Variants in CTDSPL2 observed in about 807,000 individuals in gnomAD.
CTDSPL2 encodes CTD small phosphatase like 2, also known as CTD small phosphatase-like protein 2.
In CTDSPL2, 5 loss-of-function variants were observed where a neutral mutation model predicts 60.0. The ratio of observed to expected loss-of-function variants is 0.08; its 90% CI spans 0.04 to 0.18. The LOEUF is 0.18. Among genes scored for constraint, CTDSPL2 ranks in the 10% least tolerant of loss-of-function variants. The probability of loss-of-function intolerance (pLI) is 1.00; values close to 1 mark genes in which losing one functional copy is unlikely to be tolerated. For missense variants in CTDSPL2, 370 were observed against 548.8 expected (o/e 0.67, Z 3.26); for synonymous variants, 186 against 189.3 (o/e 0.98, Z 0.14).
chr15:44,493,966 C>T (rs1004166406), intron 5 of CTDSPL2, among the ~76,000 whole-genome samples: 6 of 152,054 alleles, frequency 3.9e-5, no homozygotes, highest in African/African-American at 9.7e-5. Flanking sequence ...ATACACACCA[C>T]GTTGACTCTG....
chr15:44,474,816 A>G (rs1379351441), intron 2 of CTDSPL2, among the ~76,000 whole-genome samples: 1 of 152,136 alleles, frequency 6.6e-6, no homozygotes, highest in Admixed American at 6.6e-5. Flanking sequence ...AAATCACTCC[A>G]TTGCACTCTA....
Position 44,508,677 on chromosome 15 carries a change from C to T in CTDSPL2, c.970-5921C>T, listed in dbSNP as rs552077238. On this transcript the variant is annotated intron_variant, in intron 8 of 12. Coordinates refer to ENST00000260327, the MANE Select transcript of CTDSPL2 (RefSeq NM_016396.3). The stretch of plus-strand genomic sequence containing the variant: ...GTGGCTAGCCCCTGTAATCCCAGCA[C>T]TTTGGGAGGCTGAGGCGGGTGGATC... Among the ~76,000 whole-genome samples, 23 of 152,248 alleles carry T rather than the reference C, an allele frequency of 1.5e-4. No individual in the cohort carries two copies. The East Asian group carries it at 4.3e-3, about 28-fold the overall frequency.
At chr15:44,504,282 G>A (rs1334745771) in intron 8 of CTDSPL2, among the ~76,000 whole-genome samples, 9 of 151,962 alleles carry the variant, frequency 5.9e-5, no homozygotes, top group Admixed American at 5.2e-4. Context: ...CCCAGGAGGC[G>A]GAGGTTGCAG....
chr15:44,510,418 A>G (rs187833210), intron 8 of CTDSPL2, among the ~76,000 whole-genome samples: 1 of 152,282 alleles, frequency 6.6e-6, no homozygotes, highest in African/African-American at 2.4e-5. Flanking sequence ...TTTAAATATA[A>G]TTATTTCTTA....
intron 10 of CTDSPL2, among the ~76,000 whole-genome samples, chr15:44,515,434 ATAT>A (rs2081632835): frequency 6.6e-6 from 1 of 152,158 alleles, no homozygotes; most frequent in African/African-American, 2.4e-5. Context: ...TGATTTTAAA[ATAT>A]TATGATAATT....
chr15:44,494,437 T>C (rs1222751080), intron 5 of CTDSPL2, among the ~76,000 whole-genome samples: 1 of 151,656 alleles, frequency 6.6e-6, no homozygotes, highest in East Asian at 1.9e-4. Context: ...AAGATACTTT[T>C]TTGTCTCCAC....
At chr15:44,444,910 C>T (rs1177344572) in intron 1 of CTDSPL2, among the ~76,000 whole-genome samples, 4 of 134,702 alleles carry the variant, frequency 3.0e-5, no homozygotes, top group East Asian at 2.3e-4. Flanking sequence ...TGCAGTGGCG[C>T]GATCTCAGCT....
rs2081893439 is a variant in CTDSPL2 at position 44,527,475 on chromosome 15, T to C, written c.*3301T>C. 1 of 152,198 alleles carries C rather than the reference T, an allele frequency of 6.6e-6. No individual in the cohort carries two copies. The highest frequency in any genetic ancestry group is 2.4e-5 in the African/African-American group (1 of 41,462). 9.4% of individuals were successfully genotyped at this position (152,198 alleles called of 1,614,324 possible). On this transcript the variant is annotated 3_prime_UTR_variant, in exon 13 of 13. Transcript: ENST00000260327. ...GCATTTCATTATTCCTACAGATCTT[T>C]CCTGCGAGCACAGAATTCTTCATAA... is the stretch of plus-strand genomic sequence containing the variant.
At chr15:44,511,205 G>T (rs2081559742) in intron 8 of CTDSPL2, among the ~76,000 whole-genome samples, 1 of 152,162 alleles carries the variant, frequency 6.6e-6, no homozygotes, top group South Asian at 2.1e-4. Flanking sequence ...TCATAGTAAA[G>T]AAACACTCTA....
chr15:44,433,096 C>T (rs978229314), intron 1 of CTDSPL2, among the ~76,000 whole-genome samples: 1 of 151,648 alleles, frequency 6.6e-6, no homozygotes, highest in African/African-American at 2.4e-5. Context: ...AGGCGGATCC[C>T]CTGAGCTTAG....
At chr15:44,438,094 C>T (rs1399103811) in intron 1 of CTDSPL2, among the ~76,000 whole-genome samples, 1 of 152,258 alleles carries the variant, frequency 6.6e-6, no homozygotes, top group South Asian at 2.1e-4. Context: ...GAAACCCCAT[C>T]TCTACTAAAA....
intron 4 of CTDSPL2, among the ~76,000 whole-genome samples, chr15:44,487,807 C>G (rs1234902681): frequency 1.3e-5 from 2 of 151,924 alleles, no homozygotes; most frequent in Non-Finnish European, 2.9e-5. Flanking sequence ...AAGGTGAAAG[C>G]AATTTTATTA....
intron 5 of CTDSPL2, among the ~76,000 whole-genome samples, chr15:44,491,706 G>A: frequency 6.6e-6 from 1 of 152,122 alleles, no homozygotes; most frequent in Non-Finnish European, 1.5e-5. Flanking sequence ...GTTGTTTATT[G>A]TGGTACCAGG....
intron 1 of CTDSPL2, among the ~76,000 whole-genome samples, chr15:44,458,751 A>G (rs185381922): frequency 1.3e-5 from 2 of 152,302 alleles, no homozygotes; most frequent in East Asian, 3.9e-4. Flanking sequence ...TTTAGATCAT[A>G]GGATATATTA....
At chr15:44,497,225 T>G (rs2081314897) in intron 7 of CTDSPL2, 87 bp downstream of exon 7, 7 of 766,002 alleles carry the variant, frequency 9.1e-6, no homozygotes, top group South Asian at 4.3e-5. Context: ...CCCTTTTTTT[T>G]GTCAGGATCA....
At chr15:44,471,839 G>T (rs958731820) in intron 2 of CTDSPL2, among the ~76,000 whole-genome samples, 4 of 151,734 alleles carry the variant, frequency 2.6e-5, no homozygotes, top group Admixed American at 2.0e-4. Flanking sequence ...GCTATATTTT[G>T]GACATTTCAT....
At chr15:44,514,941 T>G in intron 10 of CTDSPL2, 97 bp downstream of exon 10, 1 of 731,190 alleles carries the variant, frequency 1.4e-6, no homozygotes, top group Non-Finnish European at 2.3e-6. Context: ...GTTGGCTGCA[T>G]ATGTGTTGAA....
chr15:44,455,731 T>G (rs2080421761), intron 1 of CTDSPL2, among the ~76,000 whole-genome samples: 1 of 152,168 alleles, frequency 6.6e-6, no homozygotes, highest in Admixed American at 6.6e-5. Context: ...ATTTATTGAT[T>G]TGCGTATGTT....
intron 1 of CTDSPL2, among the ~76,000 whole-genome samples, chr15:44,445,268 G>A (rs1308216204): frequency 6.6e-6 from 1 of 151,838 alleles, no homozygotes; most frequent in East Asian, 1.9e-4. Context: ...GCTTACTGCA[G>A]CTTCGACTTC....
Sources: allele counts gnomAD v4.1 joint callset (sites outside exome capture counted in the v4.1 genomes callset), GRCh38; gene constraint gnomAD v4.1.1; transcripts MANE v1.5; gene names NCBI Gene and HGNC (gene_info 2026-07-23, HGNC 2026-07-21).